TM6SF2: variants seen among roughly 807,000 people sequenced by gnomAD.
TM6SF2 encodes transmembrane 6 superfamily member 2.
Under a neutral mutation model 41.0 loss-of-function variants are expected in TM6SF2, and 29 were observed. The observed-to-expected ratio is 0.71, with a 90% CI of 0.53 to 0.96. The LOEUF (loss-of-function observed/expected upper bound fraction) is 0.96. Ranked by LOEUF, TM6SF2 falls within the 50% of genes least tolerant of loss-of-function variation. TM6SF2 has a pLI of 0.00. For missense variants in TM6SF2, 475 were observed against 499.0 expected (o/e 0.95, Z 0.46); for synonymous variants, 200 against 209.1 (o/e 0.96, Z 0.37).
At position 19,271,098 on chromosome 19, in the gene TM6SF2, G is replaced by A; in HGVS notation, c.123C>T (p.Ala41=). The part of the protein sequence containing the change: ...SHPLWVALMS[A]LILGLLFVAV... ...CCACGAAAAGCAGACCCAGGATTAG[G>A]GCGCTCATCAATGCCACCCACAGGG... The change falls in exon 2 of 10, where the codon GCC becomes GCT. Residue 41 remains alanine (A), a synonymous_variant. Transcript: ENST00000389363. 1 of 1,614,196 alleles carries A rather than the reference G, an allele frequency of 6.2e-7. No homozygotes were observed. The highest frequency in any genetic ancestry group is 8.5e-7 in the Non-Finnish European group (1 of 1,180,032).
At chr19:19,271,710 T>C (rs893185700) in intron 1 of TM6SF2, among the ~76,000 whole-genome samples, 2 of 152,076 alleles carry the variant, frequency 1.3e-5, no homozygotes, top group Non-Finnish European at 2.9e-5. Context: ...TTTGTATTTT[T>C]AGTAGAGACG....
In TM6SF2 at chr19:19,270,429, G is replaced by C; in HGVS notation, c.213C>G (p.Phe71Leu). 6.2e-7 allele frequency: 1 copy of C among 1,609,842 alleles called. No individual in the cohort carries two copies. The highest frequency in any genetic ancestry group is 8.5e-7 in the Non-Finnish European group (1 of 1,178,244). ...YDPLYAVFAVFAFTSVVDLII... is the reference protein window; with the variant it reads ...YDPLYAVFAVLAFTSVVDLII... The stretch of plus-strand genomic sequence containing the variant: ...TGAGGTCCACAACCGAGGTGAAGGC[G>C]AAGACAGCGAAGACTGCAGTGAGTG... The change falls in exon 3 of 10, where the codon TTC (phenylalanine) becomes TTG (leucine). Residue 71 changes from phenylalanine (F) to leucine (L), a missense_variant. Phe to Leu is a conservative substitution (Grantham distance 22). Coordinates refer to ENST00000389363, the MANE Select transcript of TM6SF2 (RefSeq NM_001001524.3).
At chr19:19,267,559 A>G (rs2061007519) in intron 8 of TM6SF2, 62 bp downstream of exon 8, 1 of 1,307,014 alleles carries the variant, frequency 7.7e-7, no homozygotes, top group Admixed American at 2.1e-5. Context: ...ACCTGCTTCA[A>G]AGAGGCCCAG....
intron 7 of TM6SF2, 80 bp from the exon 8 acceptor site, chr19:19,267,793 C>T: frequency 7.2e-7 from 1 of 1,390,214 alleles, no homozygotes. Context: ...GCCCACACCC[C>T]TTGCTCTGGC....
At position 19,269,709 on chromosome 19, in the gene TM6SF2, C is replaced by T. The variant is rs776551647; in HGVS notation, c.462G>A (p.Val154=). The change falls in exon 5 of 10, where the codon GTG becomes GTA. Residue 154 remains valine (V), a synonymous_variant. Transcript: ENST00000389363. ...TACCAAGAATGTTTCCTGTAAGGAACACCAGGATGCTCATGGCGAAGGAAC... is the reference window on the plus strand; with the variant it reads ...TACCAAGAATGTTTCCTGTAAGGAATACCAGGATGCTCATGGCGAAGGAAC... The part of the protein sequence containing the change: ...WLGSFAMSIL[V]FLTGNILGKY... 2.5e-6 allele frequency: 4 copies of T among 1,614,172 alleles called. No individual in the cohort carries two copies. The Admixed American group carries it at 5.0e-5, about 20-fold the overall frequency.
intron 2 of TM6SF2, 35 bp downstream of exon 2, chr19:19,270,987 A>G (rs775305208): frequency 6.3e-7 from 1 of 1,583,962 alleles, no homozygotes; most frequent in Non-Finnish European, 8.7e-7. Flanking sequence ...CCTTGCCTGG[A>G]CAGTCTTCTT....
intron 4 of TM6SF2, 30 bp downstream of exon 4, chr19:19,270,143 C>A (rs2146579034): frequency 6.2e-7 from 1 of 1,613,066 alleles, no homozygotes; most frequent in South Asian, 1.1e-5. Context: ...CTCCCAGGGT[C>A]AGGGGCCACC....
chr19:19,265,701 G>A (rs534503635), intron 9 of TM6SF2, among the ~76,000 whole-genome samples: 16 of 152,236 alleles, frequency 1.1e-4, no homozygotes, highest in Admixed American at 7.8e-4. Context: ...TTACAGGTGT[G>A]AGCCACCTCA....
intron 9 of TM6SF2, among the ~76,000 whole-genome samples, chr19:19,265,400 A>ATCTG (rs1159262206): frequency 8.0e-6 from 1 of 125,670 alleles, no homozygotes; most frequent in African/African-American, 3.5e-5. Flanking sequence ...CTATCTATCT[A>ATCTG]TCTATCCATC....
intron 1 of TM6SF2, among the ~76,000 whole-genome samples, chr19:19,272,831 C>A (rs1352390902): frequency 2.0e-5 from 3 of 152,108 alleles, no homozygotes. Context: ...CCCAGAAACC[C>A]TCCAAAGCTC....
chr19:19,271,752 AACTCCTGAC>A (rs2061024846), intron 1 of TM6SF2, among the ~76,000 whole-genome samples: 1 of 143,376 alleles, frequency 7.0e-6, no homozygotes, highest in Non-Finnish European at 1.6e-5. Context: ...GCTGGTCTCG[AACTCCTGAC>A]CTCAGGTGAT....
At chr19:19,266,784 C>T in intron 8 of TM6SF2, 175 bp from the exon 9 acceptor site, 1 of 697,560 alleles carries the variant, frequency 1.4e-6, no homozygotes, top group Non-Finnish European at 2.3e-6. Flanking sequence ...GCCCCCAACC[C>T]CCGAACACAT....
At chr19:19,273,061 T>TGGCCCCCCCCCCCCCCCCCCCCCC in intron 1 of TM6SF2, 60 bp downstream of exon 1, 3 of 305,468 alleles carry the variant, frequency 9.8e-6, no homozygotes, top group Non-Finnish European at 1.8e-5. Context: ...CCTCCAGTCC[T>TGGCCCCCCCCCCCCCCCCCCCCCC]CCCCGCCCCC....
chr19:19,264,777 G>C lies in TM6SF2; in HGVS notation c.1021C>G (p.Leu341Val). The change falls in exon 10 of 10, where the codon CTG becomes GTG. Residue 341 changes from leucine to valine, a missense_variant. Physicochemically the swap from Leu to Val is conservative, Grantham distance 32. Coordinates refer to ENST00000389363, the MANE Select transcript of TM6SF2 (RefSeq NM_001001524.3). ...AGGTGGGGGCCCAGCGCATACAGCA[G>C]ATTGCACACGAAGAAGCAGCCCCAG... The part of the protein sequence containing the change: ...DTWGCFFVCN[L>V]LYALGPHLLA... 6.2e-7 allele frequency: 1 copy of C among 1,610,872 alleles called. No individual in the cohort carries two copies. The highest frequency in any genetic ancestry group is 8.5e-7 in the Non-Finnish European group (1 of 1,178,660).
chr19:19,273,257 C>T lies in TM6SF2; in HGVS notation c.-42G>A, dbSNP rs1326435237. ...CCCCGGCTCAGCCCCGACGCGTTCT[C>T]CAGGGCGCTCGGCTCCTCGTTGGCG... On this transcript the variant is annotated 5_prime_UTR_variant, in exon 1 of 10. Coordinates refer to ENST00000389363, the MANE Select transcript of TM6SF2 (RefSeq NM_001001524.3). 1.5e-6 allele frequency: 2 copies of T among 1,310,230 alleles called. No homozygotes were observed. The highest frequency in any genetic ancestry group is 2.0e-6 in the Non-Finnish European group (2 of 1,023,282). 81.2% of individuals were successfully genotyped at this position (1,310,230 alleles called of 1,614,324 possible). A position where few individuals can be genotyped will look rare whatever the true frequency, so the allele number is the denominator to read the frequency against.
chr19:19,267,185 A>G (rs1233569147), intron 8 of TM6SF2, among the ~76,000 whole-genome samples: 2 of 152,028 alleles, frequency 1.3e-5, no homozygotes, highest in Non-Finnish European at 1.5e-5. Context: ...CCTGACCAAC[A>G]TGGCAAAACC....
In TM6SF2 at chr19:19,273,191, T is replaced by A; in HGVS notation, c.25A>T (p.Lys9Ter). The change falls in exon 1 of 10, where the codon AAG becomes TAG. Residue 9 changes from lysine (K) to a stop codon, truncating the protein, a stop_gained. Transcript: ENST00000389363. LOFTEE classifies it high-confidence loss of function. MDIPPLAG[K>*]IAALSLSALP... Reference sequence around the variant, plus strand: ...GCGCTCAGCGACAGCGCCGCGATCTTGCCGGCCAGCGGCGGGATGTCCATA... The same window carrying A: ...GCGCTCAGCGACAGCGCCGCGATCTAGCCGGCCAGCGGCGGGATGTCCATA... 3 of 1,456,908 alleles carry A rather than the reference T, an allele frequency of 2.1e-6. No individual in the cohort carries two copies. The highest frequency in any genetic ancestry group is 2.7e-6 in the Non-Finnish European group (3 of 1,108,082). 90.2% of individuals were successfully genotyped at this position (1,456,908 alleles called of 1,614,324 possible). A position where few individuals can be genotyped will look rare whatever the true frequency, so the allele number is the denominator to read the frequency against.
chr19:19,269,562 C>T (rs2061015394), intron 5 of TM6SF2, 125 bp downstream of exon 5: 2 of 1,181,196 alleles, frequency 1.7e-6, no homozygotes, highest in Non-Finnish European at 2.4e-6. Context: ...TGTGGACACG[C>T]AAAGAGGGAG....
rs780127806 is a variant in TM6SF2 at position 19,270,190 on chromosome 19, G to A, written c.384C>T (p.Ala128=). The change falls in exon 4 of 10, where the codon GCC becomes GCT. Residue 128 remains alanine, a synonymous_variant. Transcript: ENST00000389363. The stretch of plus-strand genomic sequence containing the variant: ...TCCTGCACCTTCTGCAGATGGCGCC[G>A]GCCATGGCCAGGTAGAGGAGGTAGT... ...TVHYLLYLAM[A]GAICRRKRYR... 13 of 1,613,832 alleles carry A rather than the reference G, an allele frequency of 8.1e-6. No individual in the cohort carries two copies. The highest frequency in any genetic ancestry group is 4.5e-5 in the East Asian group (2 of 44,888).
Sources: gnomAD v4.1 joint callset for allele counts (sites outside exome capture counted in the v4.1 genomes callset) on GRCh38, gnomAD v4.1.1 for gene constraint, MANE v1.5 for transcripts, NCBI Gene and HGNC (gene_info 2026-07-23, HGNC 2026-07-21) for gene names.